TMEM131: variants seen among roughly 807,000 people sequenced by gnomAD.
The protein encoded by TMEM131 is transmembrane protein 131.
A neutral mutation model predicts 211.6 loss-of-function variants in TMEM131; 66 were observed. The ratio of observed to expected loss-of-function variants is 0.31; its 90% CI spans 0.26 to 0.38. TMEM131 has a LOEUF of 0.38. Ranked by LOEUF, TMEM131 falls within the 10% of genes least tolerant of loss-of-function variation. TMEM131 has a pLI of 1.00. For synonymous variants in TMEM131, 844 were observed against 841.3 expected, an observed-to-expected ratio of 1.00 and a Z score of -0.06; for missense variants, 2,036 against 2,299.3, an observed-to-expected ratio of 0.89 and a Z score of 2.34.
chr2:97,824,033 G>A (rs374683934), intron 11 of TMEM131, among the ~76,000 whole-genome samples: 12 of 152,308 alleles, frequency 7.9e-5, no homozygotes, highest in African/African-American at 2.9e-4. Context: ...CTTAGTCAAG[G>A]CCCTCAAACA....
At chr2:97,953,589 G>T (rs1678424329) in intron 1 of TMEM131, among the ~76,000 whole-genome samples, 1 of 152,120 alleles carries the variant, frequency 6.6e-6, no homozygotes, top group South Asian at 2.1e-4. Context: ...ACACTTCACT[G>T]TCAGCAACTG....
intron 5 of TMEM131, among the ~76,000 whole-genome samples, chr2:97,847,344 T>C (rs977306498): frequency 6.6e-6 from 1 of 152,178 alleles, no homozygotes; most frequent in Non-Finnish European, 1.5e-5. Flanking sequence ...AACAAAGTCA[T>C]GGGAATCAAG....
At chr2:97,758,270 T>C (rs1002343508) in intron 40 of TMEM131, among the ~76,000 whole-genome samples, 1 of 152,252 alleles carries the variant, frequency 6.6e-6, no homozygotes, top group Non-Finnish European at 1.5e-5. Context: ...AAACCTTGCA[T>C]GTTTAGTTTC....
chr2:97,814,920 T>C (rs1681745428), intron 13 of TMEM131, among the ~76,000 whole-genome samples: 1 of 152,198 alleles, frequency 6.6e-6, no homozygotes, highest in Admixed American at 6.5e-5. Context: ...AGGAAATGGT[T>C]CAAATGATTT....
At chr2:97,760,749 G>A (rs1559340712) in intron 37 of TMEM131, 44 bp downstream of exon 37, 1 of 1,613,804 alleles carries the variant, frequency 6.2e-7, no homozygotes. Flanking sequence ...ATTCCACCAG[G>A]CCTGGCGCCT....
intron 5 of TMEM131, among the ~76,000 whole-genome samples, chr2:97,851,608 C>T (rs1190567466): frequency 6.6e-6 from 1 of 152,156 alleles, no homozygotes; most frequent in African/African-American, 2.4e-5. Flanking sequence ...ATCTCTGTGT[C>T]ACATTTTGGC....
chr2:97,892,450 T>A (rs1038324586), intron 3 of TMEM131, among the ~76,000 whole-genome samples: 1 of 152,142 alleles, frequency 6.6e-6, no homozygotes, highest in African/African-American at 2.4e-5. Flanking sequence ...AGCCTTGACC[T>A]CCTGGGCTCA....
chr2:97,934,609 T>C (rs1210472132), intron 1 of TMEM131, among the ~76,000 whole-genome samples: 1 of 152,196 alleles, frequency 6.6e-6, no homozygotes, highest in Non-Finnish European at 1.5e-5. Flanking sequence ...CCAGACATTA[T>C]GTCTTACTGC....
chr2:97,931,966 A>G (rs928985993), intron 1 of TMEM131, among the ~76,000 whole-genome samples: 5 of 152,164 alleles, frequency 3.3e-5, no homozygotes, highest in Non-Finnish European at 7.4e-5. Context: ...ACAATCTGTA[A>G]AAGTTCCTGG....
intron 8 of TMEM131, 138 bp from the exon 9 acceptor site, chr2:97,835,063 A>T (rs1488206946): frequency 2.4e-6 from 2 of 835,006 alleles, no homozygotes; most frequent in African/African-American, 3.4e-5. Flanking sequence ...TTGCTAATTA[A>T]ACCAATATGT....
At chr2:97,770,245 C>A (rs961708443) in intron 33 of TMEM131, among the ~76,000 whole-genome samples, 4 of 152,204 alleles carry the variant, frequency 2.6e-5, no homozygotes, top group Admixed American at 1.3e-4. Flanking sequence ...ATTAAAAAAA[C>A]CAGTCTTTAT....
intron 1 of TMEM131, among the ~76,000 whole-genome samples, chr2:97,969,707 T>C (rs187480922): frequency 2.6e-5 from 4 of 152,264 alleles, no homozygotes; most frequent in African/African-American, 7.2e-5. Context: ...ATAAAACAAG[T>C]TGATGCAATA....
intron 2 of TMEM131, among the ~76,000 whole-genome samples, chr2:97,920,970 A>AGTGAGTGT (rs1553614616): frequency 6.8e-6 from 1 of 146,630 alleles, no homozygotes; most frequent in African/African-American, 2.5e-5. Context: ...AAAAATCCCG[A>AGTGAGTGT]GTGTGTGTGT....
chr2:97,815,891 G>A (rs565798729), intron 12 of TMEM131, among the ~76,000 whole-genome samples: 74 of 152,186 alleles, frequency 4.9e-4, no homozygotes, highest in African/African-American at 1.7e-3. Flanking sequence ...CACCAATAAA[G>A]TAGCATGGTA....
intron 4 of TMEM131, among the ~76,000 whole-genome samples, chr2:97,877,672 G>C (rs1040244341): frequency 1.3e-5 from 2 of 152,102 alleles, no homozygotes; most frequent in Non-Finnish European, 2.9e-5. Flanking sequence ...ACTGAAACTG[G>C]ACCGCTTCCT....
intron 12 of TMEM131, among the ~76,000 whole-genome samples, chr2:97,818,140 C>A (rs1036456537): frequency 3.3e-5 from 5 of 152,114 alleles, no homozygotes; most frequent in African/African-American, 1.2e-4. Context: ...CTGGACAATT[C>A]TGTCATAAAG....
Position 97,995,520 on chromosome 2 carries a change from A to G in TMEM131, c.143T>C (p.Leu48Pro). The change falls in exon 1 of 41, where the codon CTG becomes CCG. Residue 48 changes from leucine (L) to proline (P), a missense_variant. Transcript: ENST00000186436. ...CGCAGCCACTACGAGGGTCATCACC[A>G]GGTGCAGCGCGCCTAGGAGGCCGGC... ...AAAGLLGALH[L>P]VMTLVVAAAR... 2 of 1,408,440 alleles carry G rather than the reference A, an allele frequency of 1.4e-6. No individual in the cohort carries two copies. Among genetic ancestry groups the G allele is most frequent in the Non-Finnish European group, 1.9e-6 (2 of 1,075,490 alleles). The allele number at this position is 1,408,440 out of a possible 1,614,324, so 87.2% of individuals were successfully genotyped here.
chr2:97,838,291 A>T (rs1683024205), intron 7 of TMEM131, among the ~76,000 whole-genome samples: 1 of 152,164 alleles, frequency 6.6e-6, no homozygotes, highest in Non-Finnish European at 1.5e-5. Context: ...AAAAAGAAAA[A>T]ATATATTTAA....
intron 1 of TMEM131, among the ~76,000 whole-genome samples, chr2:97,971,674 T>C (rs1444454072): frequency 6.6e-6 from 1 of 152,210 alleles, no homozygotes; most frequent in African/African-American, 2.4e-5. Flanking sequence ...TTGTTTCTAA[T>C]AATGTCTTAC....
Sources: allele counts gnomAD v4.1 joint callset (sites outside exome capture counted in the v4.1 genomes callset), GRCh38; gene constraint gnomAD v4.1.1; transcripts MANE v1.5; gene names NCBI Gene and HGNC (gene_info 2026-07-23, HGNC 2026-07-21).